ALK: variants seen among roughly 807,000 people sequenced by gnomAD.
ALK encodes ALK receptor tyrosine kinase.
A neutral mutation model predicts 163.1 loss-of-function variants in ALK; 74 were observed. That is an observed-to-expected ratio of 0.45 (90% confidence interval 0.38 to 0.55). The LOEUF is 0.55. Among genes scored for constraint, ALK ranks in the 20% least tolerant of loss-of-function variants. ALK has a pLI of 0.00. For synonymous variants in ALK, 960 were observed against 843.2 expected, an observed-to-expected ratio of 1.14 and a Z score of -2.40; for missense variants, 2,063 against 2,105.3, an observed-to-expected ratio of 0.98 and a Z score of 0.39.
intron 4 of ALK, among the ~76,000 whole-genome samples, chr2:29,402,899 C>T (rs1206778044): frequency 6.6e-6 from 1 of 152,084 alleles, no homozygotes; most frequent in African/African-American, 2.4e-5. Context: ...CTCTTTGTTA[C>T]CCCCAATTCT....
At chr2:29,784,624 G>A (rs1028601370) in intron 1 of ALK, among the ~76,000 whole-genome samples, 1 of 152,056 alleles carries the variant, frequency 6.6e-6, no homozygotes, top group Non-Finnish European at 1.5e-5. Flanking sequence ...GAACCCAGGA[G>A]GCAGAGGTTG....
intron 3 of ALK, among the ~76,000 whole-genome samples, chr2:29,631,748 A>G (rs1017525880): frequency 4.6e-5 from 7 of 152,258 alleles, no homozygotes; most frequent in Non-Finnish European, 7.3e-5. Context: ...CTGGCTTGAG[A>G]ATAAAGATTA....
At chr2:29,589,359 A>G (rs1674981453) in intron 3 of ALK, among the ~76,000 whole-genome samples, 1 of 152,184 alleles carries the variant, frequency 6.6e-6, no homozygotes, top group Non-Finnish European at 1.5e-5. Context: ...GTGACCCGTG[A>G]CAGGAGAAGT....
At chr2:29,916,936 T>C (rs1248991872) in intron 1 of ALK, among the ~76,000 whole-genome samples, 1 of 152,216 alleles carries the variant, frequency 6.6e-6, no homozygotes, top group Non-Finnish European at 1.5e-5. Context: ...TCTCCATGAA[T>C]GGGTGAATTT....
intron 3 of ALK, among the ~76,000 whole-genome samples, chr2:29,561,324 G>A (rs1021504458): frequency 2.6e-5 from 4 of 152,100 alleles, no homozygotes; most frequent in African/African-American, 9.7e-5. Context: ...TATGGAAACT[G>A]AGTGCTTGCA....
intron 18 of ALK, among the ~76,000 whole-genome samples, chr2:29,226,031 G>T (rs1663974769): frequency 6.6e-6 from 1 of 152,230 alleles, no homozygotes; most frequent in Non-Finnish European, 1.5e-5. Flanking sequence ...CGGAGGTATC[G>T]TGCTTGGTAC....
intron 3 of ALK, among the ~76,000 whole-genome samples, chr2:29,670,489 TTG>T (rs1677647816): frequency 6.6e-6 from 1 of 152,054 alleles, no homozygotes; most frequent in African/African-American, 2.4e-5. Context: ...ATTATATACC[TTG>T]GTGTGGTCTT....
Position 29,920,772 on chromosome 2 carries a change from T to C in ALK, c.-113A>G, listed in dbSNP as rs1185669759. ...TTGGTACCCAGCGGCTCCTTCCACCTGATCTCCAGAGGACTGTGCGTGCGC... is the reference window on the plus strand; with the variant it reads ...TTGGTACCCAGCGGCTCCTTCCACCCGATCTCCAGAGGACTGTGCGTGCGC... On this transcript the variant is annotated 5_prime_UTR_variant, in exon 1 of 29. Transcript: ENST00000389048. 3 of 955,898 alleles carry C rather than the reference T, an allele frequency of 3.1e-6. No individual in the cohort carries two copies. Among genetic ancestry groups the C allele is most frequent in the South Asian group, 1.5e-5 (1 of 66,138 alleles). 59.2% of individuals were successfully genotyped at this position (955,898 alleles called of 1,614,324 possible). A position where few individuals can be genotyped will look rare whatever the true frequency, so the allele number is the denominator to read the frequency against.
intron 1 of ALK, among the ~76,000 whole-genome samples, chr2:29,849,208 AC>A (rs1572434236): frequency 6.6e-6 from 1 of 152,100 alleles, no homozygotes; most frequent in East Asian, 1.9e-4. Flanking sequence ...GGGACCGCTC[AC>A]TGTCTGCTGT....
At chr2:29,496,059 T>C (rs1389306226) in intron 4 of ALK, among the ~76,000 whole-genome samples, 1 of 152,176 alleles carries the variant, frequency 6.6e-6, no homozygotes, top group Non-Finnish European at 1.5e-5. Context: ...GGCCGCCTTT[T>C]TCCCATGTCA....
intron 4 of ALK, among the ~76,000 whole-genome samples, chr2:29,386,332 T>G (rs1162676908): frequency 2.0e-5 from 3 of 152,196 alleles, no homozygotes; most frequent in African/African-American, 4.8e-5. Context: ...CAGCAGGATT[T>G]CCATCCACAA....
chr2:29,446,448 G>A (rs1019705693), intron 4 of ALK, among the ~76,000 whole-genome samples: 3 of 152,120 alleles, frequency 2.0e-5, no homozygotes, highest in African/African-American at 7.2e-5. Context: ...AGATATAACT[G>A]GGATTTGTCA....
chr2:29,770,078 G>C (rs1445208614), intron 1 of ALK, among the ~76,000 whole-genome samples: 5 of 152,234 alleles, frequency 3.3e-5, no homozygotes, highest in Non-Finnish European at 7.3e-5. Context: ...TATCCAGCAA[G>C]AGACCAAAGG....
intron 13 of ALK, among the ~76,000 whole-genome samples, chr2:29,239,403 AG>A (rs1053185313): frequency 6.6e-6 from 1 of 151,958 alleles, no homozygotes; most frequent in Non-Finnish European, 1.5e-5. Context: ...CAGGTGAGGG[AG>A]GGGGGGAGCC....
intron 1 of ALK, among the ~76,000 whole-genome samples, chr2:29,824,564 G>A (rs964301089): frequency 4.6e-5 from 7 of 152,256 alleles, no homozygotes; most frequent in African/African-American, 1.7e-4. Flanking sequence ...CTGGATGTGA[G>A]ACACGGAGTC....
intron 3 of ALK, among the ~76,000 whole-genome samples, chr2:29,588,598 T>C (rs758236389): frequency 3.9e-5 from 6 of 152,186 alleles, no homozygotes; most frequent in African/African-American, 1.2e-4. Context: ...TCACATGCTA[T>C]CCCAGAGGTT....
chr2:29,850,127 T>A (rs4665483), intron 1 of ALK, among the ~76,000 whole-genome samples: 2 of 152,154 alleles, frequency 1.3e-5, no homozygotes, highest in Non-Finnish European at 1.5e-5. Context: ...ACACGTCACC[T>A]GATGGAATAT....
intron 4 of ALK, among the ~76,000 whole-genome samples, chr2:29,510,069 C>A (rs1184952243): frequency 6.6e-6 from 1 of 152,086 alleles, no homozygotes; most frequent in Non-Finnish European, 1.5e-5. Flanking sequence ...GTGGAGGTGG[C>A]CACAGTCCCT....
chr2:29,661,515 T>C (rs1677345102), intron 3 of ALK, among the ~76,000 whole-genome samples: 1 of 152,090 alleles, frequency 6.6e-6, no homozygotes, highest in Non-Finnish European at 1.5e-5. Flanking sequence ...GCAATCACTT[T>C]GAACTCTAAC....
Sources: allele counts gnomAD v4.1 joint callset (sites outside exome capture counted in the v4.1 genomes callset), GRCh38; gene constraint gnomAD v4.1.1; transcripts MANE v1.5; gene names NCBI Gene and HGNC (gene_info 2026-07-23, HGNC 2026-07-21).